The following GDI2 variants were observed in gnomAD, a reference collection of about 807,000 sequenced individuals.
GDI2 encodes rab GDP dissociation inhibitor beta.
GDI2 carries 22 observed loss-of-function variants against 54.2 expected under a neutral mutation model. That is an observed-to-expected ratio of 0.41 (90% CI 0.29 to 0.58). The LOEUF is 0.58. GDI2 is among the 20% of genes least tolerant of loss of function. GDI2 has a pLI of 0.35. For missense variants in GDI2, 422 were observed against 546.0 expected, an observed-to-expected ratio of 0.77 and a Z score of 2.26; for synonymous variants, 177 against 182.1, an observed-to-expected ratio of 0.97 and a Z score of 0.23.
At chr10:5,795,306 G>T (rs1442324481) in intron 3 of GDI2, among the ~76,000 whole-genome samples, 2 of 151,854 alleles carry the variant, frequency 1.3e-5, no homozygotes, top group African/African-American at 4.8e-5. Context: ...TTGTTTTGTA[G>T]AGACAGGGTT....
intron 1 of GDI2, among the ~76,000 whole-genome samples, chr10:5,806,646 G>A (rs907664022): frequency 6.6e-5 from 10 of 151,818 alleles, no homozygotes; most frequent in African/African-American, 1.7e-4. Flanking sequence ...AGGAAATGAA[G>A]GTATTTTAAC....
intron 6 of GDI2, among the ~76,000 whole-genome samples, chr10:5,784,583 G>A (rs1412256525): frequency 1.3e-5 from 2 of 152,192 alleles, no homozygotes; most frequent in Non-Finnish European, 2.9e-5. Context: ...GGAACTCAAG[G>A]GCTGCTGTTC....
At chr10:5,780,081 T>G (rs1051284153) in intron 6 of GDI2, among the ~76,000 whole-genome samples, 5 of 151,916 alleles carry the variant, frequency 3.3e-5, no homozygotes, top group African/African-American at 4.8e-5. Context: ...GGGTGGTGCA[T>G]GCCTGTAGTC....
In GDI2 at chr10:5,809,722, T is replaced by C. The variant is rs546896932; in HGVS notation, c.45+3492A>G. Among the ~76,000 whole-genome samples the C allele has an allele frequency of 2.0e-5, 3 of 152,318 alleles. No homozygotes were observed. The South Asian group carries it at 6.2e-4, about 32-fold the overall frequency. On this transcript the variant is annotated intron_variant, in intron 1 of 10. Coordinates refer to ENST00000380191, the MANE Select transcript of GDI2 (RefSeq NM_001494.4). ...ACAATAGTCACTGGGTTTAAATAAC[T>C]GAAACTGAAACTATTACTCCAGTAA...
At chr10:5,807,376 C>T (rs770604407) in intron 1 of GDI2, among the ~76,000 whole-genome samples, 5 of 152,192 alleles carry the variant, frequency 3.3e-5, no homozygotes, top group Non-Finnish European at 5.9e-5. Flanking sequence ...CTCTTTTTCA[C>T]ACTAGAAAAG....
rs571571568 is a variant in GDI2 at position 5,805,775 on chromosome 10, T to C, written c.46-5070A>G. Among the ~76,000 whole-genome samples the C allele has an allele frequency of 2.0e-5, 3 of 152,310 alleles. No homozygotes were observed. In the South Asian group the frequency reaches 6.2e-4, roughly 32 times the overall value. On this transcript the variant is annotated intron_variant, in intron 1 of 10. Coordinates refer to ENST00000380191, the MANE Select transcript of GDI2 (RefSeq NM_001494.4). Reference sequence around the variant, plus strand: ...AATTTTATTATATATAAGAATAACCTGGAGATCCTGTTAAACTGTAGATTC... The same window carrying C: ...AATTTTATTATATATAAGAATAACCCGGAGATCCTGTTAAACTGTAGATTC...
intron 1 of GDI2, among the ~76,000 whole-genome samples, chr10:5,801,665 A>G (rs944924999): frequency 6.8e-6 from 1 of 146,564 alleles, no homozygotes; most frequent in Non-Finnish European, 1.5e-5. Flanking sequence ...AACAAGAGCT[A>G]AACTCCATCT....
At chr10:5,809,718 TAACTGA>T (rs959661316) in intron 1 of GDI2, among the ~76,000 whole-genome samples, 1 of 152,192 alleles carries the variant, frequency 6.6e-6, no homozygotes, top group Non-Finnish European at 1.5e-5. Flanking sequence ...TGGGTTTAAA[TAACTGA>T]AACTGAAACT....
At chr10:5,793,872 A>G (rs138164150) in intron 4 of GDI2, among the ~76,000 whole-genome samples, 104 of 152,152 alleles carry the variant, frequency 6.8e-4, no homozygotes, top group Non-Finnish European at 7.2e-4. Flanking sequence ...AGAGAATAAG[A>G]TCACTCCAAG....
chr10:5,796,862 A>G lies in GDI2; in HGVS notation c.154T>C (p.Leu52=). ...ESASITPLED[L]YKRFKIPGSP... ...CCTGGTATTTTAAATCTTTTGTATA[A>G]CTAAAAGCAAGGAAAAACATAGCCA... The change falls in exon 3 of 11, where the codon TTA becomes CTA. Residue 52 remains leucine, a splice_region_variant and synonymous_variant. Transcript: ENST00000380191. 6.8e-7 allele frequency: 1 copy of G among 1,466,560 alleles called. No homozygotes were observed. Among genetic ancestry groups the G allele is most frequent in the Non-Finnish European group, 9.5e-7 (1 of 1,047,870 alleles). The allele number at this position is 1,466,560 out of a possible 1,614,324, so 90.8% of individuals were successfully genotyped here.
Position 5,768,450 on chromosome 10 carries a change from A to T in GDI2, c.820-66T>A. The T allele has an allele frequency of 9.8e-7, 1 of 1,024,600 alleles. No homozygotes were observed. Among genetic ancestry groups the T allele is most frequent in the East Asian group, 2.5e-5 (1 of 40,236 alleles). 63.5% of individuals were successfully genotyped at this position (1,024,600 alleles called of 1,614,324 possible). On this transcript the variant is annotated intron_variant, in intron 7 of 10. Transcript: ENST00000380191. The surrounding 1 kb of genome is among the most constrained non-coding windows in gnomAD (Gnocchi z 4.4). ...ATATAGGGAAACACATCCCATGTTC[A>T]TAGTTTGGAAGACTTAGTATTGTTA...
intron 7 of GDI2, among the ~76,000 whole-genome samples, chr10:5,773,612 T>C (rs886834728): frequency 6.6e-6 from 1 of 152,198 alleles, no homozygotes; most frequent in Admixed American, 6.5e-5. Context: ...ACTTACTATT[T>C]AGAGCTCACC....
chr10:5,791,991 CTAAT>C (rs944185113), intron 4 of GDI2, among the ~76,000 whole-genome samples: 3 of 151,964 alleles, frequency 2.0e-5, no homozygotes, highest in Non-Finnish European at 2.9e-5. Context: ...AGGATCTTGA[CTAAT>C]TAGAGAATTT....
rs1841517238 is a variant in GDI2, at chr10:5,813,375, G to A, written c.-117C>T. On this transcript the variant is annotated 5_prime_UTR_variant, in exon 1 of 11. Transcript: ENST00000380191. Reference sequence around the variant, plus strand: ...GAAGGAAAGGGGAAGAGAAAGAGAGGAAAATGGAGCTGGCGACAAGGCGAG... The same window carrying A: ...GAAGGAAAGGGGAAGAGAAAGAGAGAAAAATGGAGCTGGCGACAAGGCGAG... The A allele has an allele frequency of 1.5e-6, 1 of 659,128 alleles. No homozygotes were observed. The highest frequency in any genetic ancestry group is 2.5e-6 in the Non-Finnish European group (1 of 398,506). The allele number at this position is 659,128 out of a possible 1,614,324, so 40.8% of individuals were successfully genotyped here.
rs764161657 is a variant in GDI2, at chr10:5,768,181, TC to T, written c.991+31del. On this transcript the variant is annotated intron_variant, in intron 8 of 10. Coordinates refer to ENST00000380191, the MANE Select transcript of GDI2 (RefSeq NM_001494.4). The surrounding 1 kb of genome is among the most constrained non-coding windows in gnomAD (Gnocchi z 4.4). ...CAAAGCAAATTATATCTTACAAAAT[TC>T]TACCAACATCTGCTGGTCTTCAAAC... 1.1e-5 allele frequency: 17 copies of T among 1,565,936 alleles called. No homozygotes were observed. In the Admixed American group the frequency reaches 2.9e-4, roughly 27 times the overall value.
chr10:5,776,249 A>C lies in GDI2; in HGVS notation c.720-2308T>G, dbSNP rs923760830. On this transcript the variant is annotated intron_variant, in intron 6 of 10. Coordinates refer to ENST00000380191, the MANE Select transcript of GDI2 (RefSeq NM_001494.4). This position sits in a 1 kb window ranked among gnomAD's most constrained non-coding sequence, Gnocchi z 5.3. Reference sequence around the variant, plus strand: ...AAGGAATAGGAAACAGCGCCTCCTCATCCAAGACAGGTGGAAAAGGGCCCA... The same window carrying C: ...AAGGAATAGGAAACAGCGCCTCCTCCTCCAAGACAGGTGGAAAAGGGCCCA... 8.3e-6 allele frequency: 4 copies of C among 482,436 alleles called. No individual in the cohort carries two copies. The highest frequency in any genetic ancestry group is 1.2e-5 in the Non-Finnish European group (3 of 254,568). The allele number at this position is 482,436 out of a possible 1,614,324, so 29.9% of individuals were successfully genotyped here.
chr10:5,773,690 C>T (rs936681711), intron 7 of GDI2, 152 bp downstream of exon 7: 4 of 581,020 alleles, frequency 6.9e-6, no homozygotes, highest in Non-Finnish European at 1.2e-5. Context: ...TAAAACAAAG[C>T]ACAGCAACTG....
At chr10:5,769,269 C>T (rs1391067480) in intron 7 of GDI2, 1 of 152,082 alleles carries the variant, frequency 6.6e-6, no homozygotes, top group African/African-American at 2.4e-5. Flanking sequence ...AAAAAAAACC[C>T]TGATTCAAAA....
intron 6 of GDI2, among the ~76,000 whole-genome samples, chr10:5,781,743 G>A (rs773583955): frequency 2.0e-5 from 3 of 152,034 alleles, no homozygotes; most frequent in Non-Finnish European, 4.4e-5. Context: ...GCCAGGCACT[G>A]TGGCTCCTGC....
Sources: allele counts gnomAD v4.1 joint callset (sites outside exome capture counted in the v4.1 genomes callset), GRCh38; gene constraint gnomAD v4.1.1; non-coding constraint Gnocchi (gnomAD v3.1); transcripts MANE v1.5; gene names NCBI Gene and HGNC (gene_info 2026-07-23, HGNC 2026-07-21).